The following ANKRD36B variants were observed in gnomAD, a reference collection of about 807,000 sequenced individuals.
The protein encoded by ANKRD36B is ankyrin repeat domain 36B, also known as ankyrin repeat domain-containing protein 36B.
ANKRD36B carries 37 observed loss-of-function variants against 135.7 expected under a neutral mutation model. The ratio of observed to expected loss-of-function variants is 0.27; its 90% CI spans 0.21 to 0.36. ANKRD36B has a LOEUF of 0.36. Among genes scored for constraint, ANKRD36B ranks in the 10% least tolerant of loss-of-function variants. ANKRD36B has a pLI of 1.00. For synonymous variants in ANKRD36B, 179 were observed against 348.1 expected (o/e 0.51, Z 5.41); for missense variants, 549 against 1,037.1 (o/e 0.53, Z 6.46).
chr2:97,575,831 A>G (rs2082196284), intron 6 of ANKRD36B, among the ~76,000 whole-genome samples: 1 of 152,114 alleles, frequency 6.6e-6, no homozygotes, highest in Admixed American at 6.6e-5. Context: ...ATCGAACTAC[A>G]AGGAAACTAC....
At chr2:97,535,653 A>T (rs914956356) in intron 34 of ANKRD36B, among the ~76,000 whole-genome samples, 1 of 100,426 alleles carries the variant, frequency 1.0e-5, no homozygotes, top group South Asian at 2.3e-4. Flanking sequence ...TGACTTTTAA[A>T]GCAAAACAAA....
intron 12 of ANKRD36B, among the ~76,000 whole-genome samples, chr2:97,556,136 T>C (rs980619567): frequency 2.0e-5 from 3 of 151,926 alleles, no homozygotes; most frequent in African/African-American, 4.8e-5. Flanking sequence ...GAATTTTCAC[T>C]AAATAGCTAT....
At chr2:97,551,731 A>G (rs1306185313) in intron 16 of ANKRD36B, among the ~76,000 whole-genome samples, 2 of 151,980 alleles carry the variant, frequency 1.3e-5, no homozygotes, top group African/African-American at 4.8e-5. Flanking sequence ...CTAAAATCAA[A>G]GGTTGTCAAC....
At chr2:97,561,673 G>T (rs2261683) in intron 6 of ANKRD36B, among the ~76,000 whole-genome samples, 1 of 151,912 alleles carries the variant, frequency 6.6e-6, no homozygotes, top group Non-Finnish European at 1.5e-5. Context: ...CCATTTGGGA[G>T]TCAAGTAATG....
chr2:97,508,767 C>T (rs551041362), intron 40 of ANKRD36B, among the ~76,000 whole-genome samples: 1 of 108,688 alleles, frequency 9.2e-6, no homozygotes, highest in Admixed American at 8.4e-5. Context: ...CTCAGGTCAT[C>T]ATTAGGAGAG....
At position 97,547,531 on chromosome 2, in the gene ANKRD36B, A is replaced by G; in HGVS notation, c.1579+5T>C. 1 of 1,536,456 alleles carries G rather than the reference A, an allele frequency of 6.5e-7. No homozygotes were observed. The highest frequency in any genetic ancestry group is 1.4e-5 in the African/African-American group (1 of 73,328). On this transcript the variant is annotated splice_donor_5th_base_variant and intron_variant, in intron 22 of 43. Coordinates refer to ENST00000359901, the MANE Select transcript of ANKRD36B (RefSeq NM_001393939.1). ...ACATGACATTAAATCTCTTTTCAAA[A>G]TTACCTCTCCTAGTTTTTTCTCCAT... is the stretch of plus-strand genomic sequence containing the variant.
chr2:97,516,203 A>C (rs1406250072), intron 36 of ANKRD36B, among the ~76,000 whole-genome samples: 2 of 63,844 alleles, frequency 3.1e-5, no homozygotes, highest in African/African-American at 9.2e-5. Context: ...AAAAAAAAAA[A>C]AAAAAAAAAA....
chr2:97,566,909 A>G (rs1328994186), intron 6 of ANKRD36B, among the ~76,000 whole-genome samples: 1 of 152,126 alleles, frequency 6.6e-6, no homozygotes, highest in Non-Finnish European at 1.5e-5. Flanking sequence ...TTCTGGCACT[A>G]TCTACTTGGG....
intron 16 of ANKRD36B, among the ~76,000 whole-genome samples, chr2:97,552,859 C>T (rs1576961010): frequency 6.6e-6 from 1 of 151,914 alleles, no homozygotes; most frequent in Admixed American, 6.6e-5. Flanking sequence ...CTTAGTGAAA[C>T]CATGCTGTAG....
intron 43 of ANKRD36B, among the ~76,000 whole-genome samples, chr2:97,496,907 G>A (rs1249646810): frequency 5.8e-5 from 3 of 51,610 alleles, no homozygotes; most frequent in Admixed American, 2.7e-4. Flanking sequence ...TAACCCAAGA[G>A]CTCTGATGGA....
rs765790087 is a variant in ANKRD36B at position 97,558,999 on chromosome 2, A to G, written c.866-5T>C. On this transcript the variant is annotated splice_polypyrimidine_tract_variant and splice_region_variant and intron_variant, in intron 8 of 43. Coordinates refer to ENST00000359901, the MANE Select transcript of ANKRD36B (RefSeq NM_001393939.1). Reference sequence around the variant, plus strand: ...CTGGTTGTTTCTGAGAAGACACTGAAAAGCAAAAGGGAAACATAATCACTC... The same window carrying G: ...CTGGTTGTTTCTGAGAAGACACTGAGAAGCAAAAGGGAAACATAATCACTC... 1.2e-6 allele frequency: 2 copies of G among 1,603,592 alleles called. No homozygotes were observed. Among genetic ancestry groups the G allele is most frequent in the Non-Finnish European group, 1.7e-6 (2 of 1,178,490 alleles).
At chr2:97,546,516 CTT>C (rs2079483542) in intron 22 of ANKRD36B, among the ~76,000 whole-genome samples, 1 of 151,700 alleles carries the variant, frequency 6.6e-6, no homozygotes, top group Admixed American at 6.6e-5. Context: ...TTCATCCACT[CTT>C]GGCACCAAAG....
rs2083274968 is a variant in ANKRD36B, at chr2:97,589,522, T to A, written c.161+3A>T. ...CGCAGCCCCGGCTCCCGGCCCCCAT[T>A]ACCTTTCCTTCCTGTCTCTCTTATT... is the stretch of plus-strand genomic sequence containing the variant. On this transcript the variant is annotated splice_donor_region_variant and intron_variant, in intron 1 of 43. Transcript: ENST00000359901. 7.0e-6 allele frequency: 11 copies of A among 1,579,962 alleles called. No individual in the cohort carries two copies. Among genetic ancestry groups the A allele is most frequent in the Non-Finnish European group, 9.5e-6 (11 of 1,162,376 alleles).
intron 6 of ANKRD36B, among the ~76,000 whole-genome samples, chr2:97,562,893 A>C (rs2081150704): frequency 6.6e-6 from 1 of 151,934 alleles, no homozygotes; most frequent in African/African-American, 2.4e-5. Context: ...GCTGTTCTTC[A>C]CTCACATCGG....
At position 97,529,233 on chromosome 2, in the gene ANKRD36B, G is replaced by A. The variant is rs1178220565; in HGVS notation, c.2265+3078C>T. On this transcript the variant is annotated intron_variant, in intron 35 of 43. Transcript: ENST00000359901. ...ATCAAGTGGGCTTCATCCCTGGGAT[G>A]CAAGGCTGGTTCAATATACGCAAAT... is the stretch of plus-strand genomic sequence containing the variant. 3.1e-5 allele frequency among the ~76,000 whole-genome samples: 3 copies of A among 95,324 alleles called. 1 individual carries two copies. Among genetic ancestry groups the A allele is most frequent in the African/African-American group, 6.3e-5 (2 of 31,726 alleles). The allele number at this position is 95,324 out of a possible 152,430, so 62.5% of individuals were successfully genotyped here.
At chr2:97,548,534 C>G (rs2079717565) in intron 20 of ANKRD36B, among the ~76,000 whole-genome samples, 1 of 151,824 alleles carries the variant, frequency 6.6e-6, no homozygotes, top group African/African-American at 2.4e-5. Context: ...TGAAAATGAC[C>G]ATTTTAGGAG....
chr2:97,554,436 A>T (rs1197089136), intron 14 of ANKRD36B, among the ~76,000 whole-genome samples: 1 of 151,948 alleles, frequency 6.6e-6, no homozygotes, highest in African/African-American at 2.4e-5. Flanking sequence ...TCCCAATTCT[A>T]GCTTTCTTTG....
intron 10 of ANKRD36B, 104 bp downstream of exon 10, chr2:97,558,695 T>C: frequency 1.4e-6 from 2 of 1,464,072 alleles, no homozygotes; most frequent in South Asian, 2.3e-5. Context: ...GCCTGCTGAA[T>C]CAGAATGTGC....
intron 6 of ANKRD36B, among the ~76,000 whole-genome samples, chr2:97,567,850 C>T (rs1411767867): frequency 2.0e-5 from 3 of 152,104 alleles, no homozygotes; most frequent in East Asian, 1.9e-4. Context: ...TCATGGTTCA[C>T]GGATCCAAGA....
Sources: allele counts gnomAD v4.1 joint callset (sites outside exome capture counted in the v4.1 genomes callset), GRCh38; gene constraint gnomAD v4.1.1; transcripts MANE v1.5; gene names NCBI Gene and HGNC (gene_info 2026-07-23, HGNC 2026-07-21).